The following GAB2 variants were observed in gnomAD, a reference collection of about 807,000 sequenced individuals.
The protein encoded by GAB2 is GRB2 associated binding protein 2, also known as GRB2-associated-binding protein 2.
Under a neutral mutation model 65.5 loss-of-function variants are expected in GAB2, and 26 were observed. The observed-to-expected ratio is 0.40, with a 90% CI of 0.29 to 0.55. The LOEUF (loss-of-function observed/expected upper bound fraction) is 0.55. Ranked by LOEUF, GAB2 falls within the 20% of genes least tolerant of loss-of-function variation. The pLI is 0.53. For synonymous variants in GAB2, 321 were observed against 329.6 expected (o/e 0.97, Z 0.28); for missense variants, 884 against 875.8 (o/e 1.01, Z -0.12).
chr11:78,362,041 A>T (rs1444179591), intron 1 of GAB2, among the ~76,000 whole-genome samples: 1 of 152,054 alleles, frequency 6.6e-6, no homozygotes, highest in East Asian at 1.9e-4. Context: ...AAAACTGTTC[A>T]TGTATCAATA....
rs557086376 is a variant in GAB2, at chr11:78,314,656, C to T, written c.76-33755G>A. ...GTCAAGTGTATATAGAAGTACCTTG[C>T]TTTCTCCCAGCTAGATTACAATCAC... On this transcript the variant is annotated intron_variant, in intron 1 of 9. Transcript: ENST00000361507. Among the ~76,000 whole-genome samples the T allele has an allele frequency of 1.6e-4, 25 of 152,328 alleles. 1 individual carries two copies. Among genetic ancestry groups the T allele is most frequent in the African/African-American group, 5.1e-4 (21 of 41,570 alleles).
rs1039453852 is a variant in GAB2, at chr11:78,216,846, C to T, written c.*2426G>A. 4.6e-5 allele frequency: 7 copies of T among 152,200 alleles called. No individual in the cohort carries two copies. Among genetic ancestry groups the T allele is most frequent in the South Asian group, 2.1e-4 (1 of 4,832 alleles). 9.4% of individuals were successfully genotyped at this position (152,200 alleles called of 1,614,324 possible). Reference sequence around the variant, plus strand: ...CCTTGTAGGGGGCCTTTAAGGCACACATTCAGGGCTGGGCAGAGTGAACCA... The same window carrying T: ...CCTTGTAGGGGGCCTTTAAGGCACATATTCAGGGCTGGGCAGAGTGAACCA... On this transcript the variant is annotated 3_prime_UTR_variant, in exon 10 of 10. Transcript: ENST00000361507.
chr11:78,399,830 ATG>A (rs1361261446), intron 1 of GAB2, among the ~76,000 whole-genome samples: 1 of 152,218 alleles, frequency 6.6e-6, no homozygotes, highest in Non-Finnish European at 1.5e-5. Flanking sequence ...ATTCTGATAA[ATG>A]TGCAAACCCA....
At chr11:78,400,766 A>T (rs1341078964) in intron 1 of GAB2, among the ~76,000 whole-genome samples, 1 of 151,992 alleles carries the variant, frequency 6.6e-6, no homozygotes, top group East Asian at 1.9e-4. Flanking sequence ...TTAGCCAGGC[A>T]TAGTGGTGCA....
intron 1 of GAB2, among the ~76,000 whole-genome samples, chr11:78,355,554 G>C (rs1318809422): frequency 1.3e-5 from 2 of 152,034 alleles, no homozygotes; most frequent in African/African-American, 4.8e-5. Flanking sequence ...GCGCATGCCT[G>C]TAATCCCAGT....
At chr11:78,300,970 C>T (rs1362520054) in intron 1 of GAB2, among the ~76,000 whole-genome samples, 1 of 152,150 alleles carries the variant, frequency 6.6e-6, no homozygotes, top group Non-Finnish European at 1.5e-5. Flanking sequence ...GCTGGGATTA[C>T]AGGTGTAAGC....
At chr11:78,331,611 T>C (rs924925608) in intron 1 of GAB2, among the ~76,000 whole-genome samples, 2 of 152,210 alleles carry the variant, frequency 1.3e-5, no homozygotes, top group East Asian at 3.9e-4. Flanking sequence ...ATAATGTGTT[T>C]AAACACATTG....
chr11:78,336,463 C>T lies in GAB2; in HGVS notation c.76-55562G>A, dbSNP rs931026187. ...TATCCTGCAACTTTACTGAATTTATCAGTTGTAATAGTTGTTGTTTTTTTT... is the reference window on the plus strand; with the variant it reads ...TATCCTGCAACTTTACTGAATTTATTAGTTGTAATAGTTGTTGTTTTTTTT... On this transcript the variant is annotated intron_variant, in intron 1 of 9. Transcript: ENST00000361507. Among the ~76,000 whole-genome samples the T allele has an allele frequency of 2.2e-5, 3 of 135,556 alleles. 1 individual carries two copies. The highest frequency in any genetic ancestry group is 4.6e-5 in the Non-Finnish European group (3 of 64,824). 88.9% of individuals were successfully genotyped at this position (135,556 alleles called of 152,430 possible).
chr11:78,223,907 C>T (rs1367294999), intron 5 of GAB2, among the ~76,000 whole-genome samples: 1 of 152,048 alleles, frequency 6.6e-6, no homozygotes, highest in Non-Finnish European at 1.5e-5. Flanking sequence ...ATGGCAAAAC[C>T]TCCTCTCTAC....
At chr11:78,395,497 T>A (rs1041019707) in intron 1 of GAB2, among the ~76,000 whole-genome samples, 7 of 152,196 alleles carry the variant, frequency 4.6e-5, no homozygotes, top group Non-Finnish European at 1.0e-4. Flanking sequence ...CATATCCCAA[T>A]AGCCACAAGC....
intron 2 of GAB2, among the ~76,000 whole-genome samples, chr11:78,273,262 G>A (rs1167812075): frequency 2.6e-5 from 4 of 152,226 alleles, no homozygotes; most frequent in Admixed American, 1.3e-4. Context: ...CTGTGTGCCT[G>A]GAAAAGGTGC....
At chr11:78,241,585 GA>G (rs1274212474) in intron 3 of GAB2, among the ~76,000 whole-genome samples, 1 of 146,054 alleles carries the variant, frequency 6.8e-6, no homozygotes, top group African/African-American at 2.5e-5. Context: ...TTCACAATAT[GA>G]ACAAAAAAAT....
At chr11:78,335,456 T>A (rs1339584170) in intron 1 of GAB2, among the ~76,000 whole-genome samples, 1 of 152,224 alleles carries the variant, frequency 6.6e-6, no homozygotes, top group Admixed American at 6.5e-5. Context: ...TTCTTCTGCA[T>A]ACGGATATCC....
chr11:78,299,583 A>C (rs1243778051), intron 1 of GAB2, among the ~76,000 whole-genome samples: 1 of 152,240 alleles, frequency 6.6e-6, no homozygotes, highest in Non-Finnish European at 1.5e-5. Flanking sequence ...AGCTACTTCC[A>C]AGGTACAGAA....
intron 1 of GAB2, among the ~76,000 whole-genome samples, chr11:78,282,126 A>C (rs1866352198): frequency 6.6e-6 from 1 of 152,306 alleles, no homozygotes; most frequent in South Asian, 2.1e-4. Flanking sequence ...TTACTGAATG[A>C]GTAAACTCCT....
At chr11:78,248,223 TCA>T (rs922263177) in intron 3 of GAB2, among the ~76,000 whole-genome samples, 1 of 152,172 alleles carries the variant, frequency 6.6e-6, no homozygotes, top group African/African-American at 2.4e-5. Context: ...AATAGGGATT[TCA>T]CAGAGGAGGT....
rs1029966546 is a variant in GAB2, at chr11:78,273,042, C to T, written c.376+7559G>A. ...GGTTTACAAACCTCCGCCTAGATTG[C>T]AGAGGATGTATGGAAGTATGGATGC... On this transcript the variant is annotated intron_variant, in intron 2 of 9. Transcript: ENST00000361507. Among the ~76,000 whole-genome samples, 19 of 152,350 alleles carry T rather than the reference C, an allele frequency of 1.2e-4. No individual in the cohort carries two copies. In the East Asian group the frequency reaches 3.7e-3, roughly 29 times the overall value.
rs1865403522 is a variant in GAB2 at position 78,250,031 on chromosome 11, T to C, written c.620+126A>G. The C allele has an allele frequency of 7.1e-6, 7 of 989,872 alleles. No homozygotes were observed. In the African/African-American group the frequency reaches 9.7e-5, roughly 14 times the overall value. The allele number at this position is 989,872 out of a possible 1,614,324, so 61.3% of individuals were successfully genotyped here. ...TACAGAAGCAAAAAATTATGTTTTG[T>C]CATAGACGTGTTTGTCTACCTGAAA... On this transcript the variant is annotated intron_variant, in intron 3 of 9. Coordinates refer to ENST00000361507, the MANE Select transcript of GAB2 (RefSeq NM_080491.3).
intron 3 of GAB2, among the ~76,000 whole-genome samples, chr11:78,243,665 C>G (rs893616037): frequency 4.0e-5 from 6 of 150,832 alleles, no homozygotes; most frequent in Non-Finnish European, 5.9e-5. Context: ...ATGGTGAAAC[C>G]CTGTCTCTAC....
Sources: allele counts gnomAD v4.1 joint callset (sites outside exome capture counted in the v4.1 genomes callset), GRCh38; gene constraint gnomAD v4.1.1; transcripts MANE v1.5; gene names NCBI Gene and HGNC (gene_info 2026-07-23, HGNC 2026-07-21).